Variants in CDH23 observed in about 807,000 individuals in gnomAD.
CDH23 encodes cadherin related 23, also known as cadherin-23.
CDH23 carries 189 observed loss-of-function variants against 317.1 expected under a neutral mutation model. The observed-to-expected ratio is 0.60, with a 90% CI of 0.53 to 0.67. The LOEUF is 0.67. CDH23 is among the 30% of genes least tolerant of loss of function. CDH23 has a pLI of 0.00. For synonymous variants in CDH23, 1,839 were observed against 1,876.8 expected (o/e 0.98, Z 0.52); for missense variants, 4,401 against 4,592.4 (o/e 0.96, Z 1.20).
chr10:71,777,672 T>C lies in CDH23; in HGVS notation c.4846-8T>C. On this transcript the variant is annotated splice_region_variant and splice_polypyrimidine_tract_variant and intron_variant, in intron 38 of 69. Transcript: ENST00000224721. ...CTGACCAAGGACGTGACCCACTCTT[T>C]TCCACAGGCCACCACGCACGTGTAC... The C allele has an allele frequency of 6.2e-7, 1 of 1,605,014 alleles. No homozygotes were observed. The highest frequency in any genetic ancestry group is 8.5e-7 in the Non-Finnish European group (1 of 1,176,130).
intron 38 of CDH23, among the ~76,000 whole-genome samples, chr10:71,756,472 G>A (rs565123448): frequency 2.0e-5 from 3 of 152,306 alleles, no homozygotes; most frequent in Non-Finnish European, 2.9e-5. Context: ...ACTTGTGCAC[G>A]CAGCCTGGCT....
chr10:71,721,286 A>G (rs1866543795), intron 28 of CDH23, among the ~76,000 whole-genome samples: 1 of 152,184 alleles, frequency 6.6e-6, no homozygotes, highest in Non-Finnish European at 1.5e-5. Flanking sequence ...CAGGGAATGG[A>G]GAGAGAAAGA....
At chr10:71,771,611 A>G (rs533595238) in intron 38 of CDH23, among the ~76,000 whole-genome samples, 2 of 152,328 alleles carry the variant, frequency 1.3e-5, no homozygotes, top group East Asian at 3.9e-4. Context: ...GAGGTCCCAG[A>G]GCAATTCAAA....
intron 45 of CDH23, 144 bp downstream of exon 45, chr10:71,789,186 GGGAGAT>G (rs1841179530): frequency 5.1e-6 from 3 of 588,498 alleles, no homozygotes; most frequent in Middle Eastern, 4.2e-4. Context: ...GTGCAGCTCC[GGGAGAT>G]GGTGGGCTGG....
Position 71,793,193 on chromosome 10 carries a change from C to T in CDH23, c.6265C>T (p.Leu2089Phe), listed in dbSNP as rs763663917. The T allele has an allele frequency of 6.2e-7, 1 of 1,611,844 alleles. No homozygotes were observed. Among genetic ancestry groups the T allele is most frequent in the South Asian group, 1.1e-5 (1 of 90,858 alleles). The change falls in exon 48 of 70, where the codon CTT becomes TTT. Residue 2089 changes from leucine to phenylalanine, a missense_variant. Leu to Phe is a conservative substitution (Grantham distance 22). Coordinates refer to ENST00000224721, the MANE Select transcript of CDH23 (RefSeq NM_022124.6). ...TCCCTCTCCAACAGGATTCTCAGTCCTTCAAGTCACAGCCACAGATGAGGA... is the reference window on the plus strand; with the variant it reads ...TCCCTCTCCAACAGGATTCTCAGTCTTTCAAGTCACAGCCACAGATGAGGA... ...LENCPPGFSV[L>F]QVTATDEDSG...
intron 6 of CDH23, among the ~76,000 whole-genome samples, chr10:71,547,850 G>C (rs913162251): frequency 1.1e-4 from 17 of 152,214 alleles, no homozygotes; most frequent in Non-Finnish European, 1.8e-4. Flanking sequence ...GTGGACGGTG[G>C]CTTGTTTGGG....
chr10:71,559,995 A>G (rs1235735910), intron 6 of CDH23, among the ~76,000 whole-genome samples: 1 of 152,156 alleles, frequency 6.6e-6, no homozygotes, highest in Admixed American at 6.5e-5. Context: ...TCTCTCCCCT[A>G]TACTGTCCTC....
In CDH23 at chr10:71,617,385, A is replaced by C. The variant is rs754241467; in HGVS notation, c.1126A>C (p.Lys376Gln). 8 of 1,613,422 alleles carry C rather than the reference A, an allele frequency of 5.0e-6. No individual in the cohort carries two copies. In the South Asian group the frequency reaches 8.8e-5, roughly 18 times the overall value. The change falls in exon 11 of 70, where the codon AAG becomes CAG. Residue 376 changes from lysine (K) to glutamine (Q), a missense_variant. Coordinates refer to ENST00000224721, the MANE Select transcript of CDH23 (RefSeq NM_022124.6). ...ALPLFIQVVD[K>Q]DENLGLNSMF... ...TCCACTCTTCATCCAGGTGGTGGAC[A>C]AGGATGAGGTGAGTCCCTGGACACA...
chr10:71,576,857 C>T (rs764155795), intron 8 of CDH23, among the ~76,000 whole-genome samples: 5 of 152,280 alleles, frequency 3.3e-5, no homozygotes, highest in African/African-American at 7.2e-5. Context: ...CTTGTTTGTT[C>T]GTTTGTTTAT....
chr10:71,502,034 G>A (rs1221008656), intron 3 of CDH23, among the ~76,000 whole-genome samples: 1 of 152,216 alleles, frequency 6.6e-6, no homozygotes, highest in African/African-American at 2.4e-5. Context: ...CTCTATCCCA[G>A]GCGGCCCTCT....
intron 9 of CDH23, among the ~76,000 whole-genome samples, chr10:71,579,096 G>A (rs1034679747): frequency 3.3e-5 from 5 of 152,198 alleles, no homozygotes; most frequent in Non-Finnish European, 7.4e-5. Context: ...AACATATAAA[G>A]GGCTTAGTTA....
At chr10:71,576,185 T>C (rs901210019) in intron 8 of CDH23, among the ~76,000 whole-genome samples, 1 of 152,098 alleles carries the variant, frequency 6.6e-6, no homozygotes, top group African/African-American at 2.4e-5. Flanking sequence ...CCCTCGTGTC[T>C]CCCCCTGAGG....
intron 6 of CDH23, among the ~76,000 whole-genome samples, chr10:71,553,944 G>A (rs1299273202): frequency 6.6e-6 from 1 of 152,122 alleles, no homozygotes; most frequent in African/African-American, 2.4e-5. Context: ...AGGGACCTCA[G>A]CCTTTAGAAC....
chr10:71,683,122 A>G (rs1422444786), intron 18 of CDH23, among the ~76,000 whole-genome samples: 1 of 152,180 alleles, frequency 6.6e-6, no homozygotes, highest in Non-Finnish European at 1.5e-5. Flanking sequence ...TCAGTTGCTG[A>G]ATCCATCTCC....
At chr10:71,514,533 T>C (rs1345990439) in intron 6 of CDH23, among the ~76,000 whole-genome samples, 4 of 151,954 alleles carry the variant, frequency 2.6e-5, no homozygotes, top group Non-Finnish European at 5.9e-5. Context: ...TGCCTGCCTC[T>C]CCTTGGCCCC....
intron 11 of CDH23, among the ~76,000 whole-genome samples, chr10:71,621,010 G>A (rs1000989099): frequency 7.9e-5 from 12 of 152,188 alleles, no homozygotes; most frequent in African/African-American, 2.7e-4. Context: ...GGAGGATCAG[G>A]CCCAGGGACC....
intron 9 of CDH23, among the ~76,000 whole-genome samples, chr10:71,599,120 A>G (rs760636380): frequency 8.5e-5 from 13 of 152,220 alleles, no homozygotes; most frequent in Non-Finnish European, 8.8e-5. Flanking sequence ...AGAAAAGTAC[A>G]GAAACCAACA....
intron 46 of CDH23, chr10:71,790,629 C>G: frequency 1.6e-6 from 1 of 612,180 alleles, no homozygotes; most frequent in Non-Finnish European, 2.8e-6. Context: ...TACACAGGAC[C>G]TCTGTTGGTG....
At position 71,807,393 on chromosome 10, in the gene CDH23, C is replaced by T. The variant is rs1216468245; in HGVS notation, c.8295C>T (p.Tyr2765=). ...ATGAGGGCCCCAACGCGATCGTGTACTACTTCATCGCAGGTGGGGCCAGAC... is the reference window on the plus strand; with the variant it reads ...ATGAGGGCCCCAACGCGATCGTGTATTACTTCATCGCAGGTGGGGCCAGAC... ...DADEGPNAIV[Y]YFIAAGNEEK... is the part of the protein sequence containing the mutation. The change falls in exon 58 of 70, where the codon TAC becomes TAT. Residue 2765 remains tyrosine, a synonymous_variant. Transcript: ENST00000224721. 1 of 1,613,912 alleles carries T rather than the reference C, an allele frequency of 6.2e-7. No homozygotes were observed. The highest frequency in any genetic ancestry group is 1.7e-5 in the Admixed American group (1 of 60,010).
Sources: allele counts gnomAD v4.1 joint callset (sites outside exome capture counted in the v4.1 genomes callset), GRCh38; gene constraint gnomAD v4.1.1; transcripts MANE v1.5; gene names NCBI Gene and HGNC (gene_info 2026-07-23, HGNC 2026-07-21).